Variants in FHIP1A observed in about 807,000 individuals in gnomAD.
The protein encoded by FHIP1A is FHF complex subunit HOOK-interacting protein 1A.
A neutral mutation model predicts 88.6 loss-of-function variants in FHIP1A; 61 were observed. That is an observed-to-expected ratio of 0.69 (90% CI 0.56 to 0.85). FHIP1A has a LOEUF of 0.85. FHIP1A is among the 40% of genes least tolerant of loss of function. The probability of loss-of-function intolerance (pLI) is 0.00; values close to 1 mark genes in which losing one functional copy is unlikely to be tolerated. For synonymous variants in FHIP1A, 478 were observed against 496.0 expected (o/e 0.96, Z 0.48); for missense variants, 1,154 against 1,273.5 (o/e 0.91, Z 1.43).
intron 2 of FHIP1A, among the ~76,000 whole-genome samples, chr4:151,468,540 A>T (rs1179526719): frequency 1.3e-5 from 2 of 151,858 alleles, no homozygotes; most frequent in African/African-American, 4.8e-5. Flanking sequence ...TATTTTTTTC[A>T]CTCTTACGTG....
intron 3 of FHIP1A, among the ~76,000 whole-genome samples, chr4:151,539,274 A>T (rs1050158012): frequency 2.0e-5 from 3 of 152,070 alleles, no homozygotes; most frequent in Non-Finnish European, 4.4e-5. Context: ...AATACAACTG[A>T]CTTCTTTTTA....
intron 7 of FHIP1A, among the ~76,000 whole-genome samples, chr4:151,591,252 A>G (rs1734416320): frequency 6.6e-6 from 1 of 152,018 alleles, no homozygotes. Context: ...ACATGAACAA[A>G]GAAGTCTAGA....
chr4:151,439,855 T>C (rs34907667), intron 1 of FHIP1A, among the ~76,000 whole-genome samples: 1 of 152,334 alleles, frequency 6.6e-6, no homozygotes, highest in South Asian at 2.1e-4. Context: ...GCAATCTTTG[T>C]TCTTCCTTTT....
At chr4:151,608,362 T>C (rs749513876) in intron 7 of FHIP1A, among the ~76,000 whole-genome samples, 1 of 152,170 alleles carries the variant, frequency 6.6e-6, no homozygotes, top group Non-Finnish European at 1.5e-5. Flanking sequence ...TTTGATTTTC[T>C]CTTATTTCTC....
intron 1 of FHIP1A, among the ~76,000 whole-genome samples, chr4:151,440,556 A>C (rs1488398960): frequency 6.6e-6 from 1 of 152,144 alleles, no homozygotes; most frequent in Non-Finnish European, 1.5e-5. Flanking sequence ...AAACTCCTAG[A>C]GAAGTTGGCA....
At chr4:151,569,036 G>A (rs1733497710) in intron 4 of FHIP1A, among the ~76,000 whole-genome samples, 1 of 152,120 alleles carries the variant, frequency 6.6e-6, no homozygotes, top group African/African-American at 2.4e-5. Flanking sequence ...TGAGTTGTTG[G>A]GCTGGGGTGG....
chr4:151,433,328 G>A (rs1372104943), intron 1 of FHIP1A, among the ~76,000 whole-genome samples: 1 of 151,430 alleles, frequency 6.6e-6, no homozygotes, highest in African/African-American at 2.4e-5. Context: ...AAAATGTGAT[G>A]GGTCCCTGTG....
chr4:151,644,062 G>A (rs1023531465), intron 9 of FHIP1A, among the ~76,000 whole-genome samples: 2 of 152,242 alleles, frequency 1.3e-5, no homozygotes, highest in African/African-American at 4.8e-5. Flanking sequence ...AGTTTGAGCT[G>A]TAAGCAGTCA....
intron 7 of FHIP1A, among the ~76,000 whole-genome samples, chr4:151,604,533 A>T (rs1414828543): frequency 6.6e-6 from 1 of 152,150 alleles, no homozygotes; most frequent in Non-Finnish European, 1.5e-5. Flanking sequence ...CATTACTTTC[A>T]ATTTGGTCTT....
At chr4:151,555,873 A>G (rs557040788) in intron 3 of FHIP1A, among the ~76,000 whole-genome samples, 1 of 152,170 alleles carries the variant, frequency 6.6e-6, no homozygotes, top group African/African-American at 2.4e-5. Context: ...TAGAATACTG[A>G]TTATGTTAGA....
At chr4:151,467,063 T>A (rs1475690812) in intron 2 of FHIP1A, among the ~76,000 whole-genome samples, 1 of 152,042 alleles carries the variant, frequency 6.6e-6, no homozygotes, top group Non-Finnish European at 1.5e-5. Flanking sequence ...TGGGAGAAAA[T>A]TTTTGCAGTC....
At chr4:151,421,431 G>C (rs183427521) in intron 1 of FHIP1A, among the ~76,000 whole-genome samples, 32 of 152,154 alleles carry the variant, frequency 2.1e-4, no homozygotes, top group Admixed American at 7.8e-4. Context: ...TCCTGCACTT[G>C]TCTTTTAACA....
At chr4:151,546,837 A>G (rs1426697322) in intron 3 of FHIP1A, among the ~76,000 whole-genome samples, 1 of 152,208 alleles carries the variant, frequency 6.6e-6, no homozygotes, top group Non-Finnish European at 1.5e-5. Flanking sequence ...ATCTCAAAAA[A>G]TGTTTTCTGC....
At chr4:151,512,330 G>GT (rs1441440455) in intron 3 of FHIP1A, among the ~76,000 whole-genome samples, 1 of 152,184 alleles carries the variant, frequency 6.6e-6, no homozygotes, top group African/African-American at 2.4e-5. Flanking sequence ...AAACCACAAA[G>GT]ATGGGGAAAA....
intron 2 of FHIP1A, among the ~76,000 whole-genome samples, chr4:151,476,554 A>G (rs1351661521): frequency 6.6e-6 from 1 of 152,202 alleles, no homozygotes; most frequent in Non-Finnish European, 1.5e-5. Context: ...TAAATAGGAA[A>G]TTTGAGAGCA....
chr4:151,540,308 A>G (rs1732237183), intron 3 of FHIP1A, among the ~76,000 whole-genome samples: 1 of 152,226 alleles, frequency 6.6e-6, no homozygotes, highest in Admixed American at 6.5e-5. Flanking sequence ...GACCAAGACT[A>G]GCCTGCAGCC....
intron 3 of FHIP1A, among the ~76,000 whole-genome samples, chr4:151,505,449 C>T (rs997960262): frequency 6.6e-6 from 1 of 152,186 alleles, no homozygotes; most frequent in Non-Finnish European, 1.5e-5. Flanking sequence ...TTACCTATTA[C>T]AGTCTATCAT....
At chr4:151,418,864 T>C (rs1056222337) in intron 1 of FHIP1A, among the ~76,000 whole-genome samples, 8 of 152,220 alleles carry the variant, frequency 5.3e-5, no homozygotes, top group African/African-American at 1.9e-4. Flanking sequence ...CTGCCTCTTA[T>C]TATTATATGG....
intron 2 of FHIP1A, among the ~76,000 whole-genome samples, chr4:151,473,089 CGTT>C (rs1729582388): frequency 6.6e-6 from 1 of 152,002 alleles, no homozygotes. Context: ...TGTTTTTTGT[CGTT>C]GTTGTTGCTA....
Sources: allele counts gnomAD v4.1 joint callset (sites outside exome capture counted in the v4.1 genomes callset), GRCh38; gene constraint gnomAD v4.1.1; transcripts MANE v1.5; gene names NCBI Gene and HGNC (gene_info 2026-07-23, HGNC 2026-07-21).